The following PJA2 variants were observed in gnomAD, a reference collection of about 807,000 sequenced individuals.
PJA2 encodes E3 ubiquitin-protein ligase Praja-2.
PJA2 carries 25 observed loss-of-function variants against 69.3 expected under a neutral mutation model. The observed-to-expected ratio is 0.36, with a 90% CI of 0.26 to 0.50. The LOEUF (loss-of-function observed/expected upper bound fraction) is 0.50, where lower values mean the gene tolerates loss of function less well. Ranked by LOEUF, PJA2 falls within the 20% of genes least tolerant of loss-of-function variation. The pLI, the probability that PJA2 is intolerant of heterozygous loss-of-function variation, is 0.96. For missense variants in PJA2, 809 were observed against 830.2 expected (o/e 0.97, Z 0.31); for synonymous variants, 308 against 277.8 (o/e 1.11, Z -1.08).
intron 1 of PJA2, among the ~76,000 whole-genome samples, chr5:109,399,223 A>G (rs1747486632): frequency 6.6e-6 from 1 of 152,066 alleles, no homozygotes; most frequent in Non-Finnish European, 1.5e-5. Context: ...AAAAAAAAAA[A>G]AAAAGATATG....
intron 2 of PJA2, among the ~76,000 whole-genome samples, chr5:109,382,086 A>G (rs994354687): frequency 3.3e-5 from 5 of 152,152 alleles, no homozygotes; most frequent in Non-Finnish European, 7.4e-5. Context: ...TAAGTGCTCA[A>G]TACATATTTG....
chr5:109,409,897 A>G lies in PJA2; in HGVS notation c.-143T>C. The G allele has an allele frequency of 1.2e-5, 2 of 171,694 alleles. No individual in the cohort carries two copies. The highest frequency in any genetic ancestry group is 1.0e-4 in the South Asian group (1 of 9,992). The allele number at this position is 171,694 out of a possible 1,614,324, so 10.6% of individuals were successfully genotyped here. On this transcript the variant is annotated 5_prime_UTR_variant, in exon 1 of 10. Coordinates refer to ENST00000361189, the MANE Select transcript of PJA2 (RefSeq NM_014819.5). Reference sequence around the variant, plus strand: ...AGCGCTCGAACCTCCACCCGCCACCACCGCCTTCTTCTCCGCCTCCAACTC... The same window carrying G: ...AGCGCTCGAACCTCCACCCGCCACCGCCGCCTTCTTCTCCGCCTCCAACTC...
Position 109,378,503 on chromosome 5 carries a change from G to A in PJA2, c.984C>T (p.Asp328=). ...VRKLISSSQV[D]QETGFNRHEA... is the part of the protein sequence containing the mutation. ...CATGCCTATTAAAACCTGTTTCTTG[G>A]TCCACCTGGCTTGAACTTATCAGTT... Residue 328 remains aspartate (D), a synonymous_variant, in exon 4 of 10, where the codon GAC becomes GAT. Coordinates refer to ENST00000361189, the MANE Select transcript of PJA2 (RefSeq NM_014819.5). The A allele has an allele frequency of 6.2e-7, 1 of 1,613,964 alleles. No individual in the cohort carries two copies.
At chr5:109,379,626 T>C (rs78138207) in intron 3 of PJA2, among the ~76,000 whole-genome samples, 5,778 of 152,298 alleles carry the variant, frequency 0.038, 114 homozygotes, top group Middle Eastern at 0.051. Context: ...TTTCCAAACT[T>C]ACCTTCTTTA....
intron 1 of PJA2, among the ~76,000 whole-genome samples, chr5:109,398,618 G>A (rs1195758043): frequency 1.4e-5 from 2 of 143,974 alleles, no homozygotes; most frequent in Non-Finnish European, 3.0e-5. Flanking sequence ...AACATCACCG[G>A]GGCCTGTTGT....
At chr5:109,376,806 T>C (rs13181131) in intron 4 of PJA2, among the ~76,000 whole-genome samples, 66,084 of 152,032 alleles carry the variant, frequency 0.43, 17,660 homozygotes, top group Non-Finnish European at 0.59. Flanking sequence ...TTCCCAGATT[T>C]AGAACTACTA....
chr5:109,339,718 C>A (rs562656273), intron 9 of PJA2, among the ~76,000 whole-genome samples: 18 of 152,322 alleles, frequency 1.2e-4, no homozygotes, highest in Middle Eastern at 6.8e-3. Flanking sequence ...TGAATTCTAA[C>A]TTTCATTAGT....
intron 2 of PJA2, 91 bp from the exon 3 acceptor site, chr5:109,381,794 T>TAAA: frequency 9.7e-7 from 1 of 1,034,640 alleles, no homozygotes; most frequent in Non-Finnish European, 1.4e-6. Flanking sequence ...TTATATTTTA[T>TAAA]TATTTATCAA....
intron 9 of PJA2, among the ~76,000 whole-genome samples, chr5:109,342,833 G>A (rs1443749266): frequency 1.3e-5 from 1 of 75,000 alleles, no homozygotes; most frequent in Non-Finnish European, 2.7e-5. Flanking sequence ...GGGAGGTTGG[G>A]GGGTCAGCCC....
intron 6 of PJA2, among the ~76,000 whole-genome samples, chr5:109,359,651 T>C (rs1762478013): frequency 6.6e-6 from 1 of 152,052 alleles, no homozygotes; most frequent in Non-Finnish European, 1.5e-5. Context: ...AATGTCAGGG[T>C]TATGAAAAAC....
chr5:109,347,400 G>A (rs1762188062), intron 7 of PJA2, among the ~76,000 whole-genome samples: 1 of 152,238 alleles, frequency 6.6e-6, no homozygotes, highest in Admixed American at 6.5e-5. Context: ...AGGCTTCCCT[G>A]TGCACAGATG....
chr5:109,342,120 G>A (rs1249852664), intron 9 of PJA2, among the ~76,000 whole-genome samples: 14 of 115,920 alleles, frequency 1.2e-4, no homozygotes, highest in Non-Finnish European at 1.5e-4. Flanking sequence ...CCCCCCGCCC[G>A]GCCAGCCGCC....
At chr5:109,390,215 A>G (rs1747249911) in intron 1 of PJA2, among the ~76,000 whole-genome samples, 1 of 152,000 alleles carries the variant, frequency 6.6e-6, no homozygotes, top group Admixed American at 6.5e-5. Flanking sequence ...AGGAATACAG[A>G]TCTACCTTTC....
intron 1 of PJA2, among the ~76,000 whole-genome samples, chr5:109,392,464 G>C (rs1318576046): frequency 6.6e-6 from 1 of 151,568 alleles, no homozygotes; most frequent in African/African-American, 2.4e-5. Flanking sequence ...GGGAGGCTGA[G>C]GCAGGAGAAT....
intron 1 of PJA2, among the ~76,000 whole-genome samples, chr5:109,408,554 C>A (rs1001524719): frequency 2.0e-5 from 3 of 151,932 alleles, no homozygotes; most frequent in African/African-American, 7.2e-5. Context: ...AAAAACTTTA[C>A]GTGTACTTGT....
intron 7 of PJA2, among the ~76,000 whole-genome samples, chr5:109,353,263 A>G (rs1252880072): frequency 1.4e-5 from 2 of 141,918 alleles, no homozygotes; most frequent in East Asian, 4.2e-4. Flanking sequence ...TCTATATATT[A>G]GATACCTATA....
intron 7 of PJA2, among the ~76,000 whole-genome samples, chr5:109,355,679 CA>C (rs1300811154): frequency 6.6e-6 from 1 of 152,058 alleles, no homozygotes; most frequent in Non-Finnish European, 1.5e-5. Context: ...TAAATGTAAG[CA>C]AAACATTTTC....
chr5:109,370,929 T>A (rs1007480391), intron 4 of PJA2, among the ~76,000 whole-genome samples: 1 of 152,146 alleles, frequency 6.6e-6, no homozygotes, highest in Non-Finnish European at 1.5e-5. Context: ...ATTAATCAAA[T>A]AACTCATGGA....
intron 1 of PJA2, among the ~76,000 whole-genome samples, chr5:109,397,622 A>G (rs891763982): frequency 3.9e-5 from 6 of 151,938 alleles, no homozygotes; most frequent in African/African-American, 1.5e-4. Flanking sequence ...AGGTTCAAGC[A>G]ATTCTCCTGC....
Sources: gnomAD v4.1 joint callset for allele counts (sites outside exome capture counted in the v4.1 genomes callset) on GRCh38, gnomAD v4.1.1 for gene constraint, MANE v1.5 for transcripts, NCBI Gene and HGNC (gene_info 2026-07-23, HGNC 2026-07-21) for gene names.